ANO1: variants seen among roughly 807,000 people sequenced by gnomAD.
ANO1 encodes anoctamin 1, also known as anoctamin-1.
In ANO1, 59 loss-of-function variants were observed where a neutral mutation model predicts 124.0. The observed-to-expected ratio is 0.48, with a 90% CI of 0.39 to 0.59. The LOEUF (loss-of-function observed/expected upper bound fraction) is 0.59. ANO1 is among the 20% of genes least tolerant of loss of function. The pLI is 0.00. For synonymous variants in ANO1, 529 were observed against 532.0 expected, an observed-to-expected ratio of 0.99 and a Z score of 0.08; for missense variants, 1,059 against 1,328.0, an observed-to-expected ratio of 0.80 and a Z score of 3.15.
At chr11:70,001,061 C>A (rs1856374186) in intron 1 of ANO1, among the ~76,000 whole-genome samples, 1 of 152,208 alleles carries the variant, frequency 6.6e-6, no homozygotes, top group Non-Finnish European at 1.5e-5. Flanking sequence ...AAAGCCACCC[C>A]AATCCCTGCA....
At chr11:70,093,214 T>C (rs563751102) in intron 2 of ANO1, among the ~76,000 whole-genome samples, 8 of 145,930 alleles carry the variant, frequency 5.5e-5, no homozygotes, top group African/African-American at 1.3e-4. Context: ...CTTCCCCCTC[T>C]CTCTCTCTTC....
intron 16 of ANO1, among the ~76,000 whole-genome samples, chr11:70,159,867 C>T (rs995087473): frequency 2.6e-5 from 4 of 152,232 alleles, no homozygotes; most frequent in African/African-American, 9.6e-5. Flanking sequence ...GAGTGGTCCC[C>T]ACGCCTCGCA....
chr11:70,131,971 A>C lies in ANO1; in HGVS notation c.1150A>C (p.Lys384Gln). ...HNITMCPLCD[K>Q]TCSYWKMSSA... is the part of the protein sequence containing the mutation. Reference sequence around the variant, plus strand: ...TATCACCATGTGCCCGCTTTGCGACAAGACCTGCAGCTACTGGAAGATGAG... The same window carrying C: ...TATCACCATGTGCCCGCTTTGCGACCAGACCTGCAGCTACTGGAAGATGAG... The change falls in exon 11 of 26, where the codon AAG (lysine) becomes CAG (glutamine). Residue 384 changes from lysine (K) to glutamine (Q), a missense_variant. By Grantham distance (53) the Lys-to-Gln change is moderately conservative (BLOSUM62 1). Coordinates refer to ENST00000355303, the MANE Select transcript of ANO1 (RefSeq NM_018043.7). 1 of 1,610,584 alleles carries C rather than the reference A, an allele frequency of 6.2e-7. No homozygotes were observed.
chr11:70,029,182 G>A (rs1227991786), intron 1 of ANO1, among the ~76,000 whole-genome samples: 1 of 152,236 alleles, frequency 6.6e-6, no homozygotes, highest in Non-Finnish European at 1.5e-5. Context: ...GGTGATGGGT[G>A]AGCAAATGAG....
At chr11:70,091,186 G>A (rs933609209) in intron 2 of ANO1, among the ~76,000 whole-genome samples, 1 of 152,184 alleles carries the variant, frequency 6.6e-6, no homozygotes, top group Non-Finnish European at 1.5e-5. Flanking sequence ...AGCACTCTTG[G>A]GAATGAACCT....
chr11:70,019,322 A>ATG lies in ANO1; in HGVS notation c.58+33156_58+33157insTG, dbSNP rs201497995. Among the ~76,000 whole-genome samples the ATG allele has an allele frequency of 4.2e-3, 620 of 147,336 alleles. 5 individuals carry two copies. Among genetic ancestry groups the ATG allele is most frequent in the African/African-American group, 0.015 (590 of 40,054 alleles). On this transcript the variant is annotated intron_variant, in intron 1 of 27. Transcript: ENST00000531349. ...CTACACACATGCCATGCACATGCACACACACGCACGCACACACACATGCAC... is the reference window on the plus strand; with the variant it reads ...CTACACACATGCCATGCACATGCACATGCACACGCACGCACACACACATGCAC...
intron 3 of ANO1, 24 bp downstream of exon 3, chr11:70,103,188 G>A (rs533882928): frequency 1.3e-5 from 20 of 1,582,592 alleles, no homozygotes; most frequent in Middle Eastern, 1.7e-4. Context: ...GTCCTGCTCC[G>A]AAATGAATCG....
chr11:70,131,456 T>G (rs2046756231), intron 10 of ANO1, among the ~76,000 whole-genome samples: 1 of 152,104 alleles, frequency 6.6e-6, no homozygotes, highest in Admixed American at 6.6e-5. Context: ...GCCTCCCGAG[T>G]AGCTGGGATC....
At chr11:70,014,461 G>A (rs75640969) in intron 1 of ANO1, among the ~76,000 whole-genome samples, 8 of 152,052 alleles carry the variant, frequency 5.3e-5, no homozygotes, top group African/African-American at 1.2e-4. Context: ...AGATTCCTCC[G>A]TGCTGCTCTG....
At chr11:69,975,475 A>G in the ANO1 span, among the ~76,000 whole-genome samples, 2 of 152,210 alleles carry the variant, frequency 1.3e-5, no homozygotes, top group Non-Finnish European at 1.5e-5. Flanking sequence ...CTATCTGTAC[A>G]AAGGAGGATT....
chr11:70,136,709 C>G (rs1301805542), intron 11 of ANO1, among the ~76,000 whole-genome samples: 1 of 147,824 alleles, frequency 6.8e-6, no homozygotes, highest in Non-Finnish European at 1.5e-5. Context: ...CTCAGCTCCA[C>G]CACACGAGGG....
At chr11:69,981,738 C>A (rs1855961611), upstream of ANO1, among the ~76,000 whole-genome samples, 1 of 152,242 alleles carries the variant, frequency 6.6e-6, no homozygotes, top group African/African-American at 2.4e-5. Context: ...CTGCAGGCGC[C>A]TTTGTGGGCT....
upstream of ANO1, among the ~76,000 whole-genome samples, chr11:70,076,448 T>G (rs1555010027): frequency 2.0e-5 from 3 of 151,960 alleles, no homozygotes; most frequent in African/African-American, 7.2e-5. Flanking sequence ...TTTTTTTTCA[T>G]GCAAACTGCA....
At chr11:70,142,942 G>A (rs2135580868) in intron 11 of ANO1, among the ~76,000 whole-genome samples, 1 of 152,206 alleles carries the variant, frequency 6.6e-6, no homozygotes, top group Admixed American at 6.5e-5. Flanking sequence ...ACCCCCAAAG[G>A]CCCCATCTTC....
At chr11:70,172,605 C>T (rs1270980382) in intron 22 of ANO1, among the ~76,000 whole-genome samples, 1 of 152,178 alleles carries the variant, frequency 6.6e-6, no homozygotes, top group Non-Finnish European at 1.5e-5. Flanking sequence ...CGCAGTGGCT[C>T]ATGCCTGTAA....
At chr11:70,123,023 A>T (rs1204377448) in intron 8 of ANO1, among the ~76,000 whole-genome samples, 1 of 152,132 alleles carries the variant, frequency 6.6e-6, no homozygotes, top group Non-Finnish European at 1.5e-5. Context: ...AACACCCTGT[A>T]CCTTTCGCAC....
Position 70,108,404 on chromosome 11 carries a change from G to C in ANO1, c.799G>C (p.Gly267Arg). ...GTGTACAAAGGCCAAGTACAGCATG[G>C]GTAAGCACGTTTTTGGGGCTTGAGA... is the stretch of plus-strand genomic sequence containing the variant. Reference protein sequence around the residue: ...TTCTKAKYSMGITSLLANGVY... With the variant: ...TTCTKAKYSMRITSLLANGVY... The change falls in exon 6 of 26, where the codon GGC (glycine) becomes CGC (arginine). Residue 267 changes from glycine (G) to arginine (R), a missense_variant and splice_region_variant. Around this residue, in one of 2 missense-constraint regions of ANO1, gnomAD observed 809 missense variants for 1,094.9 expected, o/e 0.74. Transcript: ENST00000355303. 1 of 1,611,348 alleles carries C rather than the reference G, an allele frequency of 6.2e-7. No individual in the cohort carries two copies. The highest frequency in any genetic ancestry group is 8.5e-7 in the Non-Finnish European group (1 of 1,178,026).
chr11:70,128,895 C>T (rs898982689), intron 10 of ANO1, among the ~76,000 whole-genome samples: 1 of 152,246 alleles, frequency 6.6e-6, no homozygotes, highest in Admixed American at 6.5e-5. Context: ...CGGTAGGGCT[C>T]ATGGGCAGGC....
At chr11:69,967,761 TG>T in the ANO1 span, among the ~76,000 whole-genome samples, 151 of 152,298 alleles carry the variant, frequency 9.9e-4, no homozygotes, top group African/African-American at 3.5e-3. Context: ...TGAGTAACCC[TG>T]GATGTCCCTC....
Sources: allele counts gnomAD v4.1 joint callset (sites outside exome capture counted in the v4.1 genomes callset), GRCh38; gene constraint gnomAD v4.1.1; regional missense constraint gnomAD v4.1.1; transcripts MANE v1.5; gene names NCBI Gene and HGNC (gene_info 2026-07-23, HGNC 2026-07-21).